The following MYCBP2 variants were observed in gnomAD, a reference collection of about 807,000 sequenced individuals.
The protein encoded by MYCBP2 is E3 ubiquitin-protein ligase MYCBP2.
MYCBP2 carries 120 observed loss-of-function variants against 525.3 expected under a neutral mutation model. That is an observed-to-expected ratio of 0.23 (90% confidence interval 0.20 to 0.27). The LOEUF is 0.27. Among genes scored for constraint, MYCBP2 ranks in the 10% least tolerant of loss-of-function variants. MYCBP2 has a pLI of 1.00. For synonymous variants in MYCBP2, 1,894 were observed against 1,955.8 expected (o/e 0.97, Z 0.83); for missense variants, 4,149 against 5,657.1 (o/e 0.73, Z 8.55).
chr13:77,146,362 C>G, intron 47 of MYCBP2, 145 bp from the exon 48 acceptor site: 1 of 402,032 alleles, frequency 2.5e-6, no homozygotes, highest in East Asian at 3.7e-5. Flanking sequence ...CTACTTTAGA[C>G]CATTTATTAA....
At chr13:77,165,503 T>A (rs2058427914) in intron 41 of MYCBP2, 112 bp from the exon 42 acceptor site, 1 of 773,770 alleles carries the variant, frequency 1.3e-6, no homozygotes, top group African/African-American at 1.8e-5. Context: ...AAAACACAAA[T>A]CATATACTAC....
At chr13:77,294,185 A>T (rs2077930100) in intron 2 of MYCBP2, among the ~76,000 whole-genome samples, 1 of 136,510 alleles carries the variant, frequency 7.3e-6, no homozygotes, top group African/African-American at 2.6e-5. Context: ...AAGTAGATAA[A>T]ATGCCAGCTA....
chr13:77,299,836 A>G (rs553261435), intron 1 of MYCBP2, among the ~76,000 whole-genome samples: 1 of 152,322 alleles, frequency 6.6e-6, no homozygotes, highest in African/African-American at 2.4e-5. Context: ...TGTGGTTGAC[A>G]ATAAAAGGAA....
chr13:77,153,942 C>T (rs972099361), intron 46 of MYCBP2, among the ~76,000 whole-genome samples: 1 of 152,112 alleles, frequency 6.6e-6, no homozygotes, highest in Non-Finnish European at 1.5e-5. Flanking sequence ...AGGTAGGGAA[C>T]AGTCATTTTA....
intron 78 of MYCBP2, among the ~76,000 whole-genome samples, chr13:77,057,961 C>T (rs1218571908): frequency 2.0e-5 from 3 of 151,754 alleles, no homozygotes; most frequent in African/African-American, 4.8e-5. Flanking sequence ...ACTCAGCCTC[C>T]TGAGTAGCTG....
chr13:77,159,223 C>G (rs2057575189), intron 44 of MYCBP2, among the ~76,000 whole-genome samples: 1 of 152,122 alleles, frequency 6.6e-6, no homozygotes. Context: ...AATGTATAAA[C>G]TGGTCATCAA....
At chr13:77,168,691 G>A in intron 39 of MYCBP2, 45 bp from the exon 40 acceptor site, 3 of 1,565,706 alleles carry the variant, frequency 1.9e-6, no homozygotes, top group Non-Finnish European at 1.8e-6. Flanking sequence ...ACACGTGAAA[G>A]TGGTTCTAAA....
chr13:77,049,295 T>TA (rs199846749), intron 82 of MYCBP2, among the ~76,000 whole-genome samples: 39 of 150,988 alleles, frequency 2.6e-4, no homozygotes, highest in East Asian at 5.8e-4. Context: ...CTACTTCTAT[T>TA]AAAAAAAAAC....
intron 55 of MYCBP2, among the ~76,000 whole-genome samples, chr13:77,104,721 C>T (rs1029755608): frequency 1.3e-5 from 2 of 152,008 alleles, no homozygotes; most frequent in Non-Finnish European, 1.5e-5. Flanking sequence ...AAAACTGACA[C>T]CTTAGAACCG....
At chr13:77,206,180 C>G (rs2063315138) in intron 24 of MYCBP2, among the ~76,000 whole-genome samples, 1 of 151,594 alleles carries the variant, frequency 6.6e-6, no homozygotes, top group Non-Finnish European at 1.5e-5. Context: ...ATATATTGCA[C>G]TACATCTCAA....
At chr13:77,143,231 C>T (rs1408806324) in intron 49 of MYCBP2, among the ~76,000 whole-genome samples, 1 of 152,150 alleles carries the variant, frequency 6.6e-6, no homozygotes, top group Non-Finnish European at 1.5e-5. Context: ...ATTACTTTTG[C>T]GTCTGTGAGG....
At chr13:77,287,096 C>T (rs1031943579) in intron 3 of MYCBP2, among the ~76,000 whole-genome samples, 1 of 151,188 alleles carries the variant, frequency 6.6e-6, no homozygotes, top group Non-Finnish European at 1.5e-5. Flanking sequence ...ACCGTGTTAG[C>T]CAGGATGGTC....
chr13:77,323,028 A>G (rs528263093), intron 1 of MYCBP2, among the ~76,000 whole-genome samples: 1 of 152,314 alleles, frequency 6.6e-6, no homozygotes, highest in South Asian at 2.1e-4. Flanking sequence ...CATTCTCAGC[A>G]AAAACAAACA....
intron 1 of MYCBP2, among the ~76,000 whole-genome samples, chr13:77,311,441 C>T (rs1386245320): frequency 6.6e-6 from 1 of 152,032 alleles, no homozygotes; most frequent in Non-Finnish European, 1.5e-5. Flanking sequence ...AGACGATGCA[C>T]ATGTTGTAAT....
intron 35 of MYCBP2, 61 bp downstream of exon 35, chr13:77,177,687 A>G: frequency 7.4e-7 from 1 of 1,348,684 alleles, no homozygotes; most frequent in Admixed American, 1.8e-5. Context: ...ATACTATGAC[A>G]ATGGTAAATC....
At chr13:77,198,775 T>C (rs1231730115) in intron 26 of MYCBP2, among the ~76,000 whole-genome samples, 1 of 152,068 alleles carries the variant, frequency 6.6e-6, no homozygotes, top group Non-Finnish European at 1.5e-5. Flanking sequence ...ACTCCTGGGG[T>C]GAAGATGTCT....
At chr13:77,266,469 A>T (rs2074093726) in intron 8 of MYCBP2, among the ~76,000 whole-genome samples, 1 of 152,106 alleles carries the variant, frequency 6.6e-6, no homozygotes, top group African/African-American at 2.4e-5. Flanking sequence ...GTAGCATATG[A>T]TCACACTTTT....
chr13:77,044,753 GC>G lies in MYCBP2; in HGVS notation c.*624del, dbSNP rs1251654375. The G allele has an allele frequency of 2.5e-6, 1 of 398,636 alleles. No individual in the cohort carries two copies. Among genetic ancestry groups the G allele is most frequent in the Non-Finnish European group, 4.4e-6 (1 of 226,014 alleles). 24.7% of individuals were successfully genotyped at this position (398,636 alleles called of 1,614,324 possible). On this transcript the variant is annotated 3_prime_UTR_variant, in exon 83 of 83. Coordinates refer to ENST00000544440, the MANE Select transcript of MYCBP2 (RefSeq NM_015057.5). ...AAGATAATGAGGCACACTCAGTATT[GC>G]ACTTCATTAAAATTTCAGGCTCAAA... is the stretch of plus-strand genomic sequence containing the variant.
intron 62 of MYCBP2, among the ~76,000 whole-genome samples, chr13:77,083,780 C>A (rs2043736627): frequency 6.6e-6 from 1 of 151,914 alleles, no homozygotes; most frequent in African/African-American, 2.4e-5. Context: ...GAGTAGATAA[C>A]ACACATCATA....
Sources: allele counts gnomAD v4.1 joint callset (sites outside exome capture counted in the v4.1 genomes callset), GRCh38; gene constraint gnomAD v4.1.1; transcripts MANE v1.5; gene names NCBI Gene and HGNC (gene_info 2026-07-23, HGNC 2026-07-21).